BRCA2: variants seen among roughly 807,000 people sequenced by gnomAD.
BRCA2 encodes the protein breast cancer type 2 susceptibility protein.
Under a neutral mutation model 276.7 loss-of-function variants are expected in BRCA2, and 203 were observed. That is an observed-to-expected ratio of 0.73 (90% CI 0.65 to 0.82). The LOEUF (loss-of-function observed/expected upper bound fraction) is 0.82. BRCA2 is among the 40% of genes least tolerant of loss of function. The probability of loss-of-function intolerance (pLI) is 0.00; values close to 1 mark genes in which losing one functional copy is unlikely to be tolerated. For synonymous variants in BRCA2, 1,289 were observed against 1,338.4 expected (o/e 0.96, Z 0.81); for missense variants, 3,920 against 3,915.0 (o/e 1.00, Z -0.03).
At chr13:32,394,234 T>C (rs1295847674) in intron 24 of BRCA2, among the ~76,000 whole-genome samples, 1 of 152,214 alleles carries the variant, frequency 6.6e-6, no homozygotes, top group Non-Finnish European at 1.5e-5. Flanking sequence ...TTTATAATTA[T>C]AATGTTTCAG....
chr13:32,394,608 A>G (rs2073019821), intron 24 of BRCA2, 81 bp from the exon 25 acceptor site: 1 of 1,490,154 alleles, frequency 6.7e-7, no homozygotes, highest in South Asian at 1.2e-5. Context: ...ATAAATAGGC[A>G]TATTAGAGTT....
At chr13:32,383,321 C>T (rs550867508) in intron 24 of BRCA2, among the ~76,000 whole-genome samples, 1 of 152,046 alleles carries the variant, frequency 6.6e-6, no homozygotes, top group African/African-American at 2.4e-5. Context: ...GATCACACCA[C>T]TGCACTCCAG....
chr13:32,371,544 A>G (rs2072834483), intron 20 of BRCA2, among the ~76,000 whole-genome samples: 1 of 152,056 alleles, frequency 6.6e-6, no homozygotes, highest in Non-Finnish European at 1.5e-5. Context: ...TATAGATGTA[A>G]CATGTTCTAT....
At chr13:32,393,933 C>G (rs1387784797) in intron 24 of BRCA2, among the ~76,000 whole-genome samples, 6 of 152,152 alleles carry the variant, frequency 3.9e-5, no homozygotes, top group Non-Finnish European at 1.5e-5. Context: ...CTTTTTCCCC[C>G]ACTCACACCC....
intron 10 of BRCA2, among the ~76,000 whole-genome samples, chr13:32,334,307 A>C (rs947100186): frequency 6.6e-6 from 1 of 152,184 alleles, no homozygotes; most frequent in African/African-American, 2.4e-5. Flanking sequence ...TAATTTAAAA[A>C]GTGTTTATTA....
Position 32,387,052 on chromosome 13 carries a change from G to GC in BRCA2, c.9256+6908dup, listed in dbSNP as rs397751953. On this transcript the variant is annotated intron_variant, in intron 24 of 26. Transcript: ENST00000380152. Reference sequence around the variant, plus strand: ...TTGTAGATGTCTCACCTCCACCTTTGCTTCATTGTAAGGTGGTGGTCTCCC... The same window carrying GC: ...TTGTAGATGTCTCACCTCCACCTTTGCCTTCATTGTAAGGTGGTGGTCTCCC... Among the ~76,000 whole-genome samples the GC allele has an allele frequency of 0.98, 149,312 of 152,176 alleles. 73,316 individuals are homozygous for GC. Among genetic ancestry groups the GC allele is most frequent in the East Asian group, 1 (5,151 of 5,152 alleles).
At chr13:32,362,770 G>A (rs1566245054) in intron 17 of BRCA2, 77 bp downstream of exon 17, 1 of 1,528,224 alleles carries the variant, frequency 6.5e-7, no homozygotes, top group Non-Finnish European at 9.0e-7. Flanking sequence ...TGACTTCCAT[G>A]TCAAAATGTT....
chr13:32,374,064 C>G (rs1324482853), intron 20 of BRCA2, among the ~76,000 whole-genome samples: 2 of 152,246 alleles, frequency 1.3e-5, no homozygotes, highest in Non-Finnish European at 2.9e-5. Flanking sequence ...AAGCAATGGC[C>G]TGATCTGTAC....
At position 32,394,614 on chromosome 13, in the gene BRCA2, G is replaced by C. The variant is rs276174922; in HGVS notation, c.9257-75G>C. 8.7e-5 allele frequency: 132 copies of C among 1,517,898 alleles called. No homozygotes were observed. Among genetic ancestry groups the C allele is most frequent in the Non-Finnish European group, 1.1e-4 (125 of 1,112,544 alleles). 94.0% of individuals were successfully genotyped at this position (1,517,898 alleles called of 1,614,324 possible). A position where few individuals can be genotyped will look rare whatever the true frequency, so the allele number is the denominator to read the frequency against. ...TATACCAAAATAAATAGGCATATTA[G>C]AGTTTCCTTTCTTGCATCTTAAAAT... On this transcript the variant is annotated intron_variant, in intron 24 of 26. Coordinates refer to ENST00000380152, the MANE Select transcript of BRCA2 (RefSeq NM_000059.4).
At position 32,399,786 on chromosome 13, in the gene BRCA2, CTT is replaced by C. The variant is rs35930474; in HGVS notation, c.*1030_*1031del. Reference sequence around the variant, plus strand: ...AGATGATACTCTCATTTGTTACGTCCTTTTTTTTTTTTTTTGGAGATGGAGTC... The same window carrying C: ...AGATGATACTCTCATTTGTTACGTCCTTTTTTTTTTTTTGGAGATGGAGTC... On this transcript the variant is annotated 3_prime_UTR_variant, in exon 27 of 27. Transcript: ENST00000380152. 40 of 139,162 alleles carry C rather than the reference CTT, an allele frequency of 2.9e-4. No individual in the cohort carries two copies. Among genetic ancestry groups the C allele is most frequent in the East Asian group, 6.0e-4 (3 of 4,982 alleles). 8.6% of individuals were successfully genotyped at this position (139,162 alleles called of 1,614,324 possible).
In BRCA2 at chr13:32,344,611, A is replaced by G. The variant is rs761695956; in HGVS notation, c.6895A>G (p.Asn2299Asp). ...LLNEFDRIIE[N>D]QEKSLKASKS... The stretch of plus-strand genomic sequence containing the variant: ...AAATGAATTTGACAGGATAATAGAA[A>G]ATCAAGAAAAATCCTTAAAGGCTTC... Residue 2299 changes from asparagine (N) to aspartate (D), a missense_variant, in exon 12 of 27, where the codon AAT becomes GAT. Physicochemically the swap from Asn to Asp is conservative, Grantham distance 23. Transcript: ENST00000380152. The G allele has an allele frequency of 6.3e-7, 1 of 1,583,296 alleles. No homozygotes were observed. The highest frequency in any genetic ancestry group is 1.1e-5 in the South Asian group (1 of 90,372).
chr13:32,396,172 C>T, intron 25 of BRCA2: 1 of 169,342 alleles, frequency 5.9e-6, no homozygotes, highest in Non-Finnish European at 1.3e-5. Context: ...CATGGTTTCA[C>T]CATGTTGGGC....
rs1060504618 is a variant in BRCA2 at position 32,339,812 on chromosome 13, C to G, written c.5457C>G (p.Pro1819=). The change falls in exon 11 of 27, where the codon CCC becomes CCG. Residue 1819 remains proline, a synonymous_variant. Transcript: ENST00000380152. ...AGGAACTTGTGACTAGCTCTTCACC[C>G]TGCAAAAATAAAAATGCAGCCATTA... ...CVEELVTSSS[P]CKNKNAAIKL... 5 of 1,613,782 alleles carry G rather than the reference C, an allele frequency of 3.1e-6. No homozygotes were observed. Among genetic ancestry groups the G allele is most frequent in the Non-Finnish European group, 4.2e-6 (5 of 1,179,756 alleles).
intron 20 of BRCA2, among the ~76,000 whole-genome samples, chr13:32,372,755 C>T (rs1332821288): frequency 4.6e-5 from 7 of 152,096 alleles, no homozygotes; most frequent in African/African-American, 1.4e-4. Flanking sequence ...TAACAGTCTC[C>T]GAAAGTCTTA....
rs431825355 is a variant in BRCA2, at chr13:32,357,815, C to G, written c.7691C>G (p.Thr2564Ser). ...SKNAESFQFH[T>S]EDYFGKESLW... ...AATGCAGAGTCTTTTCAGTTTCACACTGAAGATTATTTTGGTAAGGAAAGT... is the reference window on the plus strand; with the variant it reads ...AATGCAGAGTCTTTTCAGTTTCACAGTGAAGATTATTTTGGTAAGGAAAGT... Residue 2564 changes from threonine to serine, a missense_variant, in exon 16 of 27, where the codon ACT (threonine) becomes AGT (serine). Thr to Ser is a moderately conservative substitution (Grantham distance 58). This residue lies in a region of BRCA2 where 3,263 missense variants were observed against 3,156.9 expected (regional missense o/e 1.03). Coordinates refer to ENST00000380152, the MANE Select transcript of BRCA2 (RefSeq NM_000059.4). 3.1e-6 allele frequency: 5 copies of G among 1,613,694 alleles called. No homozygotes were observed. In the East Asian group the frequency reaches 1.1e-4, roughly 36 times the overall value.
In BRCA2 at chr13:32,319,163, C is replaced by G. The variant is rs2138704312; in HGVS notation, c.154C>G (p.His52Asp). Residue 52 changes from histidine to aspartate, a missense_variant, in exon 3 of 27, where the codon CAT becomes GAT. By Grantham distance (81) the His-to-Asp change is moderately conservative (BLOSUM62 -1). Around this residue, in one of 2 missense-constraint regions of BRCA2, gnomAD observed 3,263 missense variants for 3,156.9 expected, o/e 1.03. Coordinates refer to ENST00000380152, the MANE Select transcript of BRCA2 (RefSeq NM_000059.4). ...YNSEPAEESEHKNNNYEPNLF... is the reference protein window; with the variant it reads ...YNSEPAEESEDKNNNYEPNLF... ...TTCTGAACCTGCAGAAGAATCTGAA[C>G]ATAAAAACAACAATTACGAACCAAA... The G allele has an allele frequency of 6.2e-7, 1 of 1,613,942 alleles. No individual in the cohort carries two copies. The highest frequency in any genetic ancestry group is 8.5e-7 in the Non-Finnish European group (1 of 1,179,904).
rs565615097 is a variant in BRCA2 at position 32,358,518 on chromosome 13, A to G, written c.7805+589A>G. On this transcript the variant is annotated intron_variant, in intron 16 of 26. Transcript: ENST00000380152. ...AAAAAGTTAAATTTGAGGGCCAGAC[A>G]TGGTGGCTCATGCCTGTAATCCCAG... 4.0e-5 allele frequency among the ~76,000 whole-genome samples: 6 copies of G among 151,392 alleles called. No individual in the cohort carries two copies. In the East Asian group the frequency reaches 1.2e-3, roughly 29 times the overall value.
rs202102902 is a variant in BRCA2, at chr13:32,380,034, T to A, written c.9145T>A (p.Tyr3049Asn). 1 of 1,614,134 alleles carries A rather than the reference T, an allele frequency of 6.2e-7. No individual in the cohort carries two copies. The highest frequency in any genetic ancestry group is 1.3e-5 in the African/African-American group (1 of 75,056). ...TTCAGATGAAATTTTATTTCAGATT[T>A]ACCAGCCACGGGAGCCCCTTCACTT... ...PVSDEILFQI[Y>N]QPREPLHFSK... The change falls in exon 24 of 27, where the codon TAC (tyrosine) becomes AAC (asparagine). Residue 3049 changes from tyrosine (Y) to asparagine (N), a missense_variant. Coordinates refer to ENST00000380152, the MANE Select transcript of BRCA2 (RefSeq NM_000059.4).
At chr13:32,375,218 C>G in intron 20 of BRCA2, 1 of 305,676 alleles carries the variant, frequency 3.3e-6, no homozygotes, top group South Asian at 2.8e-5. Flanking sequence ...TGGGTGAGGA[C>G]ACAGAGCCAA....
Sources: allele counts gnomAD v4.1 joint callset (sites outside exome capture counted in the v4.1 genomes callset), GRCh38; gene constraint gnomAD v4.1.1; regional missense constraint gnomAD v4.1.1; transcripts MANE v1.5; gene names NCBI Gene and HGNC (gene_info 2026-07-23, HGNC 2026-07-21).